TRAF2: variants seen among roughly 807,000 people sequenced by gnomAD.
TRAF2 encodes TNF receptor associated factor 2.
Under a neutral mutation model 55.6 loss-of-function variants are expected in TRAF2, and 6 were observed. That is an observed-to-expected ratio of 0.11 (90% CI 0.06 to 0.21). The LOEUF is 0.21. TRAF2 is among the 10% of genes least tolerant of loss of function. The probability of loss-of-function intolerance (pLI) is 1.00; values close to 1 mark genes in which losing one functional copy is unlikely to be tolerated. For synonymous variants in TRAF2, 329 were observed against 276.3 expected, an observed-to-expected ratio of 1.19 and a Z score of -1.89; for missense variants, 561 against 684.5, an observed-to-expected ratio of 0.82 and a Z score of 2.01.
intron 4 of TRAF2, among the ~76,000 whole-genome samples, chr9:136,903,833 C>CA (rs1171149814): frequency 6.6e-6 from 1 of 152,100 alleles, no homozygotes; most frequent in East Asian, 1.9e-4. Context: ...CAGGCGCCCC[C>CA]ACCACTCCCG....
At chr9:136,899,984 G>A (rs1414331083) in intron 3 of TRAF2, among the ~76,000 whole-genome samples, 1 of 152,154 alleles carries the variant, frequency 6.6e-6, no homozygotes, top group African/African-American at 2.4e-5. Flanking sequence ...TGGCGCACAT[G>A]GTGAAACCCC....
At chr9:136,911,593 G>C (rs1015129617) in intron 6 of TRAF2, among the ~76,000 whole-genome samples, 9 of 151,862 alleles carry the variant, frequency 5.9e-5, no homozygotes, top group African/African-American at 2.2e-4. Flanking sequence ...TGTTCACAGG[G>C]CCTCATCTTC....
At chr9:136,909,631 C>T (rs1420272579) in intron 5 of TRAF2, among the ~76,000 whole-genome samples, 2 of 152,244 alleles carry the variant, frequency 1.3e-5, no homozygotes, top group Admixed American at 1.3e-4. Context: ...AGCGTTTCCC[C>T]ATCTTCACCG....
intron 1 of TRAF2, among the ~76,000 whole-genome samples, chr9:136,892,235 G>A (rs1257946064): frequency 1.3e-5 from 2 of 151,910 alleles, no homozygotes; most frequent in African/African-American, 2.4e-5. Context: ...AGACCGAGGC[G>A]GGCAGATCAC....
intron 7 of TRAF2, among the ~76,000 whole-genome samples, chr9:136,919,042 A>ATATT (rs57654341): frequency 0.015 from 2,054 of 138,354 alleles, 49 homozygotes; most frequent in African/African-American, 0.047. Context: ...GCCTATTTTA[A>ATATT]TATTTATTTA....
chr9:136,920,880 G>A (rs1564421323), intron 8 of TRAF2, among the ~76,000 whole-genome samples, 158 bp from the exon 9 acceptor site: 1 of 152,224 alleles, frequency 6.6e-6, no homozygotes, highest in Non-Finnish European at 1.5e-5. Flanking sequence ...CTTGGCGAGG[G>A]TGGGGTTGGG....
chr9:136,905,055 C>T (rs186307331), intron 4 of TRAF2, among the ~76,000 whole-genome samples: 126 of 152,338 alleles, frequency 8.3e-4, no homozygotes, highest in Middle Eastern at 3.4e-3. Context: ...GAATGGAAGC[C>T]AGCCCAAGTG....
intron 9 of TRAF2, among the ~76,000 whole-genome samples, chr9:136,921,848 C>A (rs569189062): frequency 4.3e-4 from 66 of 152,348 alleles, no homozygotes; most frequent in Non-Finnish European, 7.8e-4. Context: ...AGTCCAGAGG[C>A]GGCCCCCCTG....
At chr9:136,911,897 T>C (rs1453276874) in intron 6 of TRAF2, among the ~76,000 whole-genome samples, 1 of 119,406 alleles carries the variant, frequency 8.4e-6, no homozygotes, top group Admixed American at 1.0e-4. Context: ...TCACCCAGGC[T>C]GGAGGGCAGT....
chr9:136,898,659 G>A (rs1266446950), intron 1 of TRAF2, 54 bp from the exon 2 acceptor site: 3 of 1,594,568 alleles, frequency 1.9e-6, no homozygotes, highest in African/African-American at 1.3e-5. Context: ...GTTTGGTTTT[G>A]TCTCGAGGAC....
At chr9:136,882,077 C>T (rs1185292146), upstream of TRAF2, 4 of 981,836 alleles carry the variant, frequency 4.1e-6, no homozygotes, top group East Asian at 1.1e-4. Flanking sequence ...ACAAGGGTCC[C>T]TTGTTCATGG....
chr9:136,895,406 C>T lies in TRAF2; in HGVS notation c.-28-3307C>T, dbSNP rs146598511. Among the ~76,000 whole-genome samples, 103 of 152,314 alleles carry T rather than the reference C, an allele frequency of 6.8e-4. 1 individual carries two copies. The East Asian group carries it at 0.018, about 27-fold the overall frequency. On this transcript the variant is annotated intron_variant, in intron 1 of 10. Transcript: ENST00000247668. Reference sequence around the variant, plus strand: ...GCAGAGCAGGTGTGCAGTGTTAGGACCTGTGGCTGAGCTGACCTAACAGCC... The same window carrying T: ...GCAGAGCAGGTGTGCAGTGTTAGGATCTGTGGCTGAGCTGACCTAACAGCC...
At chr9:136,898,266 G>GT (rs1849732130) in intron 1 of TRAF2, among the ~76,000 whole-genome samples, 1 of 152,208 alleles carries the variant, frequency 6.6e-6, no homozygotes, top group Non-Finnish European at 1.5e-5. Context: ...AGTGGGTTTG[G>GT]TAAGATATAT....
rs1450652546 is a variant in TRAF2 at position 136,912,153 on chromosome 9, T to C, written c.603+2159T>C. Reference sequence around the variant, plus strand: ...AGGCGTGAGCCACTGCGTCTGGCCCTTTTTTTTTTTTTTTTTTTTTTTTTT... The same window carrying C: ...AGGCGTGAGCCACTGCGTCTGGCCCCTTTTTTTTTTTTTTTTTTTTTTTTT... On this transcript the variant is annotated intron_variant, in intron 6 of 10. Coordinates refer to ENST00000247668, the MANE Select transcript of TRAF2 (RefSeq NM_021138.4). Among the ~76,000 whole-genome samples the C allele has an allele frequency of 3.1e-3, 18 of 5,816 alleles. No individual in the cohort carries two copies. In the East Asian group the frequency reaches 0.15, roughly 49 times the overall value. 3.8% of individuals were successfully genotyped at this position (5,816 alleles called of 152,430 possible). A position where few individuals can be genotyped will look rare whatever the true frequency, so the allele number is the denominator to read the frequency against.
intron 8 of TRAF2, 44 bp downstream of exon 8, chr9:136,920,559 AG>A: frequency 6.4e-7 from 1 of 1,561,696 alleles, no homozygotes; most frequent in Non-Finnish European, 8.7e-7. Context: ...GACAGTGTAA[AG>A]GGGGATAGTG....
At chr9:136,892,450 C>T (rs1160553501) in intron 1 of TRAF2, among the ~76,000 whole-genome samples, 3 of 151,866 alleles carry the variant, frequency 2.0e-5, no homozygotes, top group East Asian at 1.9e-4. Flanking sequence ...GGCGACAGAG[C>T]GAGACTCCGT....
At chr9:136,917,391 C>G (rs1241918112) in intron 7 of TRAF2, among the ~76,000 whole-genome samples, 1 of 152,234 alleles carries the variant, frequency 6.6e-6, no homozygotes, top group Admixed American at 6.5e-5. Flanking sequence ...GCGCCTGGGT[C>G]TCTCCAGGTG....
intron 7 of TRAF2, among the ~76,000 whole-genome samples, chr9:136,918,984 T>G (rs781188023): frequency 1.3e-5 from 2 of 151,838 alleles, no homozygotes; most frequent in Non-Finnish European, 2.9e-5. Flanking sequence ...ATCCGCCCAC[T>G]TCAGCCTCCC....
intron 7 of TRAF2, among the ~76,000 whole-genome samples, chr9:136,918,251 A>ATTTATT (rs1174041846): frequency 8.0e-4 from 35 of 43,718 alleles, no homozygotes; most frequent in African/African-American, 4.6e-3. Flanking sequence ...ATATATATAT[A>ATTTATT]TATATATTTA....
Sources: gnomAD v4.1 joint callset for allele counts (sites outside exome capture counted in the v4.1 genomes callset) on GRCh38, gnomAD v4.1.1 for gene constraint, MANE v1.5 for transcripts, NCBI Gene and HGNC (gene_info 2026-07-23, HGNC 2026-07-21) for gene names.